Variants in PACS1 observed in about 807,000 individuals in gnomAD.
PACS1 encodes phosphofurin acidic cluster sorting protein 1, also known as PACS-1.
PACS1 carries 24 observed loss-of-function variants against 115.0 expected under a neutral mutation model. The ratio of observed to expected loss-of-function variants is 0.21; its 90% CI spans 0.15 to 0.29. The LOEUF (loss-of-function observed/expected upper bound fraction) is 0.29. Ranked by LOEUF, PACS1 falls within the 10% of genes least tolerant of loss-of-function variation. The pLI, the probability that PACS1 is intolerant of heterozygous loss-of-function variation, is 1.00. For synonymous variants in PACS1, 453 were observed against 504.5 expected, an observed-to-expected ratio of 0.90 and a Z score of 1.37; for missense variants, 838 against 1,251.2, an observed-to-expected ratio of 0.67 and a Z score of 4.98.
At chr11:66,096,858 T>C (rs1857797012) in intron 1 of PACS1, among the ~76,000 whole-genome samples, 1 of 148,960 alleles carries the variant, frequency 6.7e-6, no homozygotes, top group South Asian at 2.1e-4. Context: ...TTTCTCCCTC[T>C]CTCTCTCTTT....
rs558445178 is a variant in PACS1 at position 66,082,148 on chromosome 11, T to G, written c.356+11306T>G. Among the ~76,000 whole-genome samples, 3 of 152,374 alleles carry G rather than the reference T, an allele frequency of 2.0e-5. No homozygotes were observed. In the South Asian group the frequency reaches 6.2e-4, roughly 32 times the overall value. Reference sequence around the variant, plus strand: ...CTGGATCTTAATGATGAATGGATTCTCATGGTAAACATCAGGGCTTAATGA... The same window carrying G: ...CTGGATCTTAATGATGAATGGATTCGCATGGTAAACATCAGGGCTTAATGA... On this transcript the variant is annotated intron_variant, in intron 1 of 23. Coordinates refer to ENST00000320580, the MANE Select transcript of PACS1 (RefSeq NM_018026.4).
rs189515997 is a variant in PACS1 at position 66,172,930 on chromosome 11, C to A, written c.357-20556C>A. Among the ~76,000 whole-genome samples the A allele has an allele frequency of 1.2e-3, 172 of 147,054 alleles. 1 individual carries two copies. In the East Asian group the frequency reaches 0.03, roughly 26 times the overall value. ...GGCGGAGGTTGTAGTGAGCTGAGAT[C>A]ACACCACTGCACGCCAGCCTGGTGA... is the stretch of plus-strand genomic sequence containing the variant. On this transcript the variant is annotated intron_variant, in intron 1 of 23. Transcript: ENST00000320580.
At chr11:66,148,177 C>T (rs1274730275) in intron 1 of PACS1, among the ~76,000 whole-genome samples, 1 of 152,114 alleles carries the variant, frequency 6.6e-6, no homozygotes, top group Non-Finnish European at 1.5e-5. Flanking sequence ...TTTTTTGAGA[C>T]AGAGTCTCAC....
chr11:66,223,684 T>C lies in PACS1; in HGVS notation c.1293+2437T>C, dbSNP rs189667345. ...GAGGGAGGACTCTTTCTTAGTGTTC[T>C]AGGAATGTAGAGCAAGTGCCCTAAT... On this transcript the variant is annotated intron_variant, in intron 10 of 23. Transcript: ENST00000320580. 1.2e-4 allele frequency among the ~76,000 whole-genome samples: 18 copies of C among 152,230 alleles called. No homozygotes were observed. In the East Asian group the frequency reaches 3.1e-3, roughly 26 times the overall value.
chr11:66,201,289 A>G (rs1347260782), intron 2 of PACS1, among the ~76,000 whole-genome samples: 1 of 152,220 alleles, frequency 6.6e-6, no homozygotes, highest in African/African-American at 2.4e-5. Context: ...AGAAATCAAT[A>G]GCAAGGAATT....
intron 1 of PACS1, among the ~76,000 whole-genome samples, chr11:66,076,837 T>C (rs1857408290): frequency 6.6e-6 from 1 of 152,252 alleles, no homozygotes; most frequent in Non-Finnish European, 1.5e-5. Context: ...GGGAATGATT[T>C]GCCAACGTTG....
At chr11:66,193,723 A>G (rs1290102401) in intron 2 of PACS1, 150 bp downstream of exon 2, 6 of 570,736 alleles carry the variant, frequency 1.1e-5, no homozygotes, top group Non-Finnish European at 1.9e-5. Context: ...CAGAGCTCAC[A>G]GGACCTTCTG....
chr11:66,230,996 G>C, intron 13 of PACS1, 56 bp downstream of exon 13: 1 of 1,604,318 alleles, frequency 6.2e-7, no homozygotes, highest in Non-Finnish European at 8.5e-7. Context: ...TGAACTTCAG[G>C]CTCTGTTTTG....
At chr11:66,171,867 C>T (rs1565133042) in intron 1 of PACS1, among the ~76,000 whole-genome samples, 1 of 152,046 alleles carries the variant, frequency 6.6e-6, no homozygotes, top group Non-Finnish European at 1.5e-5. Flanking sequence ...GCTTGAGCCA[C>T]CGCGCCCGGC....
At chr11:66,115,675 C>T (rs1405922083) in intron 1 of PACS1, among the ~76,000 whole-genome samples, 1 of 152,216 alleles carries the variant, frequency 6.6e-6, no homozygotes, top group African/African-American at 2.4e-5. Context: ...CCAAGAAGGA[C>T]CAAAATTGCC....
At position 66,230,682 on chromosome 11, in the gene PACS1, A is replaced by C. The variant is rs1363485976; in HGVS notation, c.1490+19A>C. The stretch of plus-strand genomic sequence containing the variant: ...CCCCCAGGTACTGCAGATGGAAAGG[A>C]AGCAGGGGGTACAGCCTGCAGCTGT... On this transcript the variant is annotated intron_variant, in intron 12 of 23. Transcript: ENST00000320580. 1 of 1,611,044 alleles carries C rather than the reference A, an allele frequency of 6.2e-7. No individual in the cohort carries two copies.
intron 10 of PACS1, among the ~76,000 whole-genome samples, chr11:66,225,302 A>T (rs1049396443): frequency 7.2e-5 from 11 of 152,170 alleles, no homozygotes; most frequent in Admixed American, 7.2e-4. Context: ...CCTCATCCAT[A>T]TCCCATGCCA....
intron 10 of PACS1, among the ~76,000 whole-genome samples, chr11:66,225,496 T>C (rs1010441264): frequency 2.0e-5 from 3 of 152,212 alleles, no homozygotes; most frequent in African/African-American, 7.2e-5. Context: ...CTAAGCCCAA[T>C]CCAAGTTAAA....
At chr11:66,168,473 C>T (rs368046867) in intron 1 of PACS1, among the ~76,000 whole-genome samples, 3 of 150,360 alleles carry the variant, frequency 2.0e-5, no homozygotes, top group East Asian at 1.9e-4. Flanking sequence ...GCAAAGGCTT[C>T]GGAACCAGGC....
chr11:66,137,031 C>A (rs746072792), intron 1 of PACS1, among the ~76,000 whole-genome samples: 16 of 149,650 alleles, frequency 1.1e-4, no homozygotes, highest in Non-Finnish European at 1.9e-4. Context: ...TGCCCCCCCC[C>A]CCACCATTTC....
intron 1 of PACS1, among the ~76,000 whole-genome samples, chr11:66,166,567 A>G (rs1262892076): frequency 1.3e-5 from 2 of 150,594 alleles, no homozygotes; most frequent in Non-Finnish European, 2.9e-5. Flanking sequence ...GTTTTACTCT[A>G]TATGTATTTC....
At chr11:66,155,394 C>T (rs1160704705) in intron 1 of PACS1, among the ~76,000 whole-genome samples, 1 of 152,170 alleles carries the variant, frequency 6.6e-6, no homozygotes, top group East Asian at 1.9e-4. Flanking sequence ...AGAACTCTTA[C>T]AGTTCAGTAA....
At chr11:66,238,158 T>G in intron 19 of PACS1, 1 of 985,334 alleles carries the variant, frequency 1.0e-6, no homozygotes, top group Non-Finnish European at 1.2e-6. Context: ...TGAAAATTCC[T>G]AAAGAACCCC....
At chr11:66,206,918 A>G (rs1254919267) in intron 2 of PACS1, among the ~76,000 whole-genome samples, 1 of 152,206 alleles carries the variant, frequency 6.6e-6, no homozygotes, top group East Asian at 1.9e-4. Context: ...AGCACTGATT[A>G]CTTTTTTCAA....
Sources: gnomAD v4.1 joint callset for allele counts (sites outside exome capture counted in the v4.1 genomes callset) on GRCh38, gnomAD v4.1.1 for gene constraint, MANE v1.5 for transcripts, NCBI Gene and HGNC (gene_info 2026-07-23, HGNC 2026-07-21) for gene names.